The following PRKN variants were observed in gnomAD, a reference collection of about 807,000 sequenced individuals.
PRKN encodes the protein parkin RBR E3 ubiquitin protein ligase, also known as E3 ubiquitin-protein ligase parkin.
A neutral mutation model predicts 59.5 loss-of-function variants in PRKN; 56 were observed. That is an observed-to-expected ratio of 0.94 (90% CI 0.76 to 1.18). PRKN has a LOEUF of 1.18. Among genes scored for constraint, PRKN ranks in the 50% most tolerant of loss-of-function variants. The pLI is 0.00. For missense variants in PRKN, 657 were observed against 596.4 expected, an observed-to-expected ratio of 1.10 and a Z score of -1.06; for synonymous variants, 250 against 222.1, an observed-to-expected ratio of 1.13 and a Z score of -1.12.
chr6:161,681,850 T>G (rs1412580832), intron 7 of PRKN, among the ~76,000 whole-genome samples: 1 of 152,214 alleles, frequency 6.6e-6, no homozygotes, highest in African/African-American at 2.4e-5. Flanking sequence ...GAAGTTCTCG[T>G]TCTTCATGCC....
At chr6:162,280,784 G>A (rs1207264459) in intron 2 of PRKN, among the ~76,000 whole-genome samples, 7 of 110,470 alleles carry the variant, frequency 6.3e-5, no homozygotes, top group Admixed American at 3.9e-4. Flanking sequence ...GCTACAGAGT[G>A]AGACTCCATC....
Position 162,394,379 on chromosome 6 carries a change from A to G in PRKN, c.171+48931T>C, listed in dbSNP as rs368927329. Among the ~76,000 whole-genome samples the G allele has an allele frequency of 4.6e-5, 7 of 152,186 alleles. No homozygotes were observed. In the East Asian group the frequency reaches 7.7e-4, roughly 17 times the overall value. On this transcript the variant is annotated intron_variant, in intron 2 of 11. Coordinates refer to ENST00000366898, the MANE Select transcript of PRKN (RefSeq NM_004562.3). ...TACAGAAATATGTATGACTCTATGT[A>G]ATCCTTATCATGGCGTTCCTACCAA...
chr6:161,575,960 C>T lies in PRKN; in HGVS notation c.872-6544G>A, dbSNP rs2128136517. ...GAGACTGAACACTGACCTCTGAGCA[C>T]AAGCCAGAGAGCATGGGCCACATGT... On this transcript the variant is annotated intron_variant, in intron 7 of 11. Coordinates refer to ENST00000366898, the MANE Select transcript of PRKN (RefSeq NM_004562.3). This position sits in a 1 kb window ranked among gnomAD's most constrained non-coding sequence, Gnocchi z 4.6. Among the ~76,000 whole-genome samples the T allele has an allele frequency of 6.6e-6, 1 of 152,314 alleles. No homozygotes were observed. The highest frequency in any genetic ancestry group is 6.5e-5 in the Admixed American group (1 of 15,300).
intron 1 of PRKN, among the ~76,000 whole-genome samples, chr6:162,661,846 G>A (rs1385046031): frequency 6.6e-6 from 1 of 151,898 alleles, no homozygotes; most frequent in Non-Finnish European, 1.5e-5. Flanking sequence ...AAAATATATC[G>A]AGGGGATACA....
chr6:162,702,240 T>C (rs1778184127), intron 1 of PRKN, among the ~76,000 whole-genome samples: 1 of 152,146 alleles, frequency 6.6e-6, no homozygotes, highest in Non-Finnish European at 1.5e-5. Context: ...TTTTCAGATA[T>C]CTATCATGAT....
intron 9 of PRKN, among the ~76,000 whole-genome samples, chr6:161,437,102 G>T (rs770227084): frequency 1.3e-5 from 2 of 152,040 alleles, no homozygotes; most frequent in Admixed American, 1.3e-4. Context: ...TGCCTATTAC[G>T]AAGCTTAACT....
At chr6:162,689,443 A>G (rs1002709734) in intron 1 of PRKN, among the ~76,000 whole-genome samples, 61 of 152,290 alleles carry the variant, frequency 4.0e-4, no homozygotes, top group African/African-American at 1.4e-3. Context: ...CTTTAGAATT[A>G]TATCAGTTGT....
At chr6:162,516,404 T>C (rs1777858267) in intron 1 of PRKN, among the ~76,000 whole-genome samples, 1 of 152,170 alleles carries the variant, frequency 6.6e-6, no homozygotes, top group East Asian at 1.9e-4. Context: ...AGTAGTCTCT[T>C]ACATCAGACT....
intron 6 of PRKN, among the ~76,000 whole-genome samples, chr6:161,843,803 T>TCATTCATTCATG: frequency 6.6e-6 from 1 of 152,218 alleles, no homozygotes; most frequent in East Asian, 1.9e-4. Context: ...ATAAATTCAT[T>TCATTCATTCATG]CATTCATTCA....
At chr6:162,354,005 T>A (rs1784736684) in intron 2 of PRKN, among the ~76,000 whole-genome samples, 2 of 152,278 alleles carry the variant, frequency 1.3e-5, no homozygotes, top group Non-Finnish European at 1.5e-5. Context: ...CGTTATAAGT[T>A]CCACAAGTTT....
chr6:161,745,968 G>A (rs915771871), intron 7 of PRKN, among the ~76,000 whole-genome samples: 22 of 152,240 alleles, frequency 1.4e-4, no homozygotes, highest in African/African-American at 5.1e-4. Context: ...CTCTGTGGGG[G>A]CCTGTGGCCA....
intron 4 of PRKN, among the ~76,000 whole-genome samples, chr6:162,083,942 G>A (rs1779158868): frequency 6.6e-6 from 1 of 151,782 alleles, no homozygotes; most frequent in Non-Finnish European, 1.5e-5. Flanking sequence ...AAGAAGGAAT[G>A]GTTACTAGAA....
rs57908717 is a variant in PRKN, at chr6:161,550,738, C to CGTGTGTGTGTGTGTGTGTGT, written c.934-1755_934-1736dup. On this transcript the variant is annotated intron_variant, in intron 8 of 11. Transcript: ENST00000366898. The surrounding 1 kb of genome is among the most constrained non-coding windows in gnomAD (Gnocchi z 4.0). ...AAGAAAGGGTATGTGTGTGTGTGCACGTGTGTGTGTGTGTGTGTGTGTGTA... is the reference window on the plus strand; with the variant it reads ...AAGAAAGGGTATGTGTGTGTGTGCACGTGTGTGTGTGTGTGTGTGTGTGTGTGTGTGTGTGTGTGTGTGTA... 8.9e-3 allele frequency among the ~76,000 whole-genome samples: 1,303 copies of CGTGTGTGTGTGTGTGTGTGT among 146,290 alleles called. 12 individuals carry two copies. Among genetic ancestry groups the CGTGTGTGTGTGTGTGTGTGT allele is most frequent in the Non-Finnish European group, 0.015 (986 of 66,738 alleles).
At chr6:162,368,199 C>T (rs1785555641) in intron 2 of PRKN, among the ~76,000 whole-genome samples, 1 of 152,118 alleles carries the variant, frequency 6.6e-6, no homozygotes, top group Non-Finnish European at 1.5e-5. Context: ...CAGGGAATCA[C>T]TCTCACACCC....
intron 5 of PRKN, among the ~76,000 whole-genome samples, chr6:162,038,009 A>G (rs1783913948): frequency 6.7e-6 from 1 of 149,844 alleles, no homozygotes; most frequent in Non-Finnish European, 1.5e-5. Flanking sequence ...AATGTGTGGT[A>G]TTCTGGTAAT....
At chr6:162,727,633 G>C in intron 1 of PRKN, 29 bp downstream of exon 1, 1 of 1,581,502 alleles carries the variant, frequency 6.3e-7, no homozygotes, top group Non-Finnish European at 8.6e-7. Flanking sequence ...GCGGCGCAGA[G>C]AGGCTGTACC....
intron 6 of PRKN, among the ~76,000 whole-genome samples, chr6:161,817,601 A>G (rs908390948): frequency 1.3e-5 from 2 of 152,226 alleles, no homozygotes; most frequent in African/African-American, 4.8e-5. Flanking sequence ...TATATTGCTC[A>G]GTCCTCCACT....
At position 162,670,049 on chromosome 6, in the gene PRKN, A is replaced by AC. The variant is rs1779260803; in HGVS notation, c.7+57612dup. ...CTTTGTGCTGCTAAACATTTGACAA[A>AC]CCTAAAAGTATCCTTGGTAAAGTGG... On this transcript the variant is annotated intron_variant, in intron 1 of 11. Coordinates refer to ENST00000366898, the MANE Select transcript of PRKN (RefSeq NM_004562.3). 2.6e-5 allele frequency among the ~76,000 whole-genome samples: 4 copies of AC among 152,306 alleles called. No individual in the cohort carries two copies. In the South Asian group the frequency reaches 8.3e-4, roughly 32 times the overall value.
chr6:161,843,856 C>T (rs1793090425), intron 6 of PRKN, among the ~76,000 whole-genome samples: 2 of 152,092 alleles, frequency 1.3e-5, no homozygotes, highest in South Asian at 4.1e-4. Flanking sequence ...CATGTTGGTG[C>T]CCCATTCAAA....
Sources: gnomAD v4.1 joint callset for allele counts (sites outside exome capture counted in the v4.1 genomes callset) on GRCh38, gnomAD v4.1.1 for gene constraint, Gnocchi (gnomAD v3.1) non-coding constraint, MANE v1.5 for transcripts, NCBI Gene and HGNC (gene_info 2026-07-23, HGNC 2026-07-21) for gene names.